NXPE2: variants seen among roughly 807,000 people sequenced by gnomAD.
The protein encoded by NXPE2 is NXPE family member 2.
In NXPE2, 34 loss-of-function variants were observed where a neutral mutation model predicts 34.4. The ratio of observed to expected loss-of-function variants is 0.99; its 90% confidence interval spans 0.75 to 1.31. The LOEUF (loss-of-function observed/expected upper bound fraction) is 1.31, where lower values mean the gene tolerates loss of function less well. Among genes scored for constraint, NXPE2 ranks in the 40% most tolerant of loss-of-function variants. The pLI, the probability that NXPE2 is intolerant of heterozygous loss-of-function variation, is 0.00. For missense variants in NXPE2, 649 were observed against 672.5 expected, an observed-to-expected ratio of 0.97 and a Z score of 0.39; for synonymous variants, 235 against 231.3, an observed-to-expected ratio of 1.02 and a Z score of -0.15.
the NXPE2 span, among the ~76,000 whole-genome samples, chr11:114,772,583 AGTGACC>A: frequency 6.6e-6 from 1 of 152,114 alleles, no homozygotes; most frequent in African/African-American, 2.4e-5. Flanking sequence ...GGACTCAAAT[AGTGACC>A]TCAGCTTTAT....
the NXPE2 span, among the ~76,000 whole-genome samples, chr11:114,763,506 C>T: frequency 2.0e-5 from 3 of 152,204 alleles, no homozygotes; most frequent in Non-Finnish European, 4.4e-5. Context: ...CATGACCTCA[C>T]ATTATAACTT....
At chr11:114,545,496 A>G in the NXPE2 span, among the ~76,000 whole-genome samples, 1 of 152,216 alleles carries the variant, frequency 6.6e-6, no homozygotes, top group African/African-American at 2.4e-5. Context: ...CTGCATTACT[A>G]TGACATTCTG....
the NXPE2 span, among the ~76,000 whole-genome samples, chr11:114,760,541 C>T: frequency 5.9e-5 from 9 of 152,194 alleles, no homozygotes; most frequent in Non-Finnish European, 1.2e-4. Context: ...GTTAAGAGGG[C>T]AAATAAAGGA....
the NXPE2 span, among the ~76,000 whole-genome samples, chr11:114,487,310 A>G: frequency 4.0e-3 from 616 of 152,266 alleles, 5 homozygotes; most frequent in African/African-American, 0.014. Flanking sequence ...CTATTGGTAT[A>G]CAGAGATGCT....
At chr11:114,758,803 T>G in the NXPE2 span, among the ~76,000 whole-genome samples, 1 of 148,458 alleles carries the variant, frequency 6.7e-6, no homozygotes, top group South Asian at 2.1e-4. Context: ...ATATTTATAT[T>G]TTATATATAA....
chr11:114,517,067 A>G, the NXPE2 span, among the ~76,000 whole-genome samples: 3 of 152,162 alleles, frequency 2.0e-5, no homozygotes, highest in African/African-American at 7.2e-5. Flanking sequence ...GGCCTACCAT[A>G]TAATAGTTGA....
chr11:114,564,421 A>G, the NXPE2 span, among the ~76,000 whole-genome samples: 1 of 152,158 alleles, frequency 6.6e-6, no homozygotes, highest in Non-Finnish European at 1.5e-5. Flanking sequence ...ACAAATAATC[A>G]TCCTAAAAAA....
the NXPE2 span, chr11:114,522,973 A>C: frequency 1.2e-6 from 2 of 1,613,506 alleles, no homozygotes; most frequent in Non-Finnish European, 1.7e-6. Flanking sequence ...CATTTATCTT[A>C]ATTGTGTCTA....
chr11:114,544,253 G>C, the NXPE2 span, among the ~76,000 whole-genome samples: 1 of 152,068 alleles, frequency 6.6e-6, no homozygotes, highest in African/African-American at 2.4e-5. Flanking sequence ...ATATGGAAAG[G>C]TAAAGGAACC....
intron 3 of NXPE2, among the ~76,000 whole-genome samples, chr11:114,701,047 C>T (rs1951356412): frequency 6.6e-6 from 1 of 152,132 alleles, no homozygotes; most frequent in East Asian, 1.9e-4. Context: ...CCCTACGTCA[C>T]CTTCACTTCT....
the NXPE2 span, among the ~76,000 whole-genome samples, chr11:114,581,058 TA>T: frequency 1.3e-5 from 2 of 152,224 alleles, no homozygotes; most frequent in Non-Finnish European, 2.9e-5. Flanking sequence ...TCTAGGTACA[TA>T]TTTACACTTC....
chr11:114,577,161 CATAT>C, the NXPE2 span, among the ~76,000 whole-genome samples: 1 of 134,566 alleles, frequency 7.4e-6, no homozygotes. Context: ...ATATATGTGT[CATAT>C]ATATATATAT....
At chr11:114,492,546 T>A in the NXPE2 span, among the ~76,000 whole-genome samples, 1 of 151,604 alleles carries the variant, frequency 6.6e-6, no homozygotes, top group African/African-American at 2.4e-5. Context: ...TTTTTCTTTT[T>A]TTTTTTTTTT....
the NXPE2 span, among the ~76,000 whole-genome samples, chr11:114,668,232 C>T: frequency 2.0e-5 from 3 of 151,918 alleles, no homozygotes; most frequent in African/African-American, 4.8e-5. Flanking sequence ...CTATTAGGAT[C>T]TATGTTAATT....
the NXPE2 span, among the ~76,000 whole-genome samples, chr11:114,649,409 G>C: frequency 6.6e-6 from 1 of 152,168 alleles, no homozygotes; most frequent in African/African-American, 2.4e-5. Context: ...CAATGAAAAG[G>C]AATGAACTAC....
Position 114,706,905 on chromosome 11 carries a change from G to A in NXPE2, c.1655G>A (p.Gly552Asp). ...GATTATGTGATTCAAAATCAGATTGGCATGTTCTTAAACTACATTTGTTAG... is the reference window on the plus strand; with the variant it reads ...GATTATGTGATTCAAAATCAGATTGACATGTTCTTAAACTACATTTGTTAG... Reference protein sequence around the residue: ...PPDYVIQNQIGMFLNYIC With the variant: ...PPDYVIQNQIDMFLNYIC Residue 552 changes from glycine to aspartate, a missense_variant, in exon 6 of 6, where the codon GGC becomes GAC. Coordinates refer to ENST00000389586, the MANE Select transcript of NXPE2 (RefSeq NM_182495.6). 6.5e-7 allele frequency: 1 copy of A among 1,549,506 alleles called. No individual in the cohort carries two copies. The highest frequency in any genetic ancestry group is 2.4e-5 in the East Asian group (1 of 41,016).
chr11:114,581,724 C>T, the NXPE2 span: 1 of 1,610,062 alleles, frequency 6.2e-7, no homozygotes, highest in Non-Finnish European at 8.5e-7. Flanking sequence ...GGAGTACTTA[C>T]TGTTGCATTT....
chr11:114,522,815 G>T, the NXPE2 span: 1 of 1,148,928 alleles, frequency 8.7e-7, no homozygotes, highest in Non-Finnish European at 1.3e-6. Context: ...AGAGAATAGA[G>T]ACCTCATTAA....
At chr11:114,552,972 C>T in the NXPE2 span, 1 of 463,778 alleles carries the variant, frequency 2.2e-6, no homozygotes, top group Non-Finnish European at 2.8e-6. Flanking sequence ...TTGTTGATCT[C>T]TGAAGAAACC....
Sources: gnomAD v4.1 joint callset for allele counts (sites outside exome capture counted in the v4.1 genomes callset) on GRCh38, gnomAD v4.1.1 for gene constraint, MANE v1.5 for transcripts, NCBI Gene and HGNC (gene_info 2026-07-23, HGNC 2026-07-21) for gene names.